COP1: variants seen among roughly 807,000 people sequenced by gnomAD.
COP1 encodes COP1 E3 ubiquitin ligase, also known as E3 ubiquitin-protein ligase COP1.
In COP1, 24 loss-of-function variants were observed where a neutral mutation model predicts 101.3. The observed-to-expected ratio is 0.24, with a 90% CI of 0.17 to 0.33. COP1 has a LOEUF of 0.33. COP1 is among the 10% of genes least tolerant of loss of function. The pLI is 1.00. For synonymous variants in COP1, 347 were observed against 341.9 expected (o/e 1.01, Z -0.17); for missense variants, 663 against 906.2 (o/e 0.73, Z 3.45).
chr1:176,095,397 T>G (rs77776350), intron 9 of COP1, among the ~76,000 whole-genome samples: 2 of 152,198 alleles, frequency 1.3e-5, no homozygotes, highest in Non-Finnish European at 2.9e-5. Flanking sequence ...AAGATGTTAT[T>G]TGCAGCCTGG....
At chr1:176,010,898 C>T (rs1412895733) in intron 15 of COP1, among the ~76,000 whole-genome samples, 1 of 152,152 alleles carries the variant, frequency 6.6e-6, no homozygotes, top group Non-Finnish European at 1.5e-5. Context: ...TCAAAAATAT[C>T]ACCATTTATA....
chr1:176,062,535 A>G (rs1381249172), intron 11 of COP1, among the ~76,000 whole-genome samples: 1 of 152,234 alleles, frequency 6.6e-6, no homozygotes, highest in East Asian at 1.9e-4. Flanking sequence ...ACTGCTGATT[A>G]AAGTGGTAAA....
At chr1:176,163,242 G>A (rs1694606473) in intron 4 of COP1, among the ~76,000 whole-genome samples, 1 of 152,106 alleles carries the variant, frequency 6.6e-6, no homozygotes, top group African/African-American at 2.4e-5. Context: ...TTCTAAAGCT[G>A]TAATTTACCT....
rs145354415 is a variant in COP1, at chr1:176,099,505, GTCTCTCTC to G, written c.1027-13623_1027-13616del. The stretch of plus-strand genomic sequence containing the variant: ...TGTGAAAAAAATTTGGAGCATATTT[GTCTCTCTC>G]TCTCTCTCTCTCTCTCTCTCTCTCT... On this transcript the variant is annotated intron_variant, in intron 9 of 19. Coordinates refer to ENST00000367669, the MANE Select transcript of COP1 (RefSeq NM_022457.7). Among the ~76,000 whole-genome samples the G allele has an allele frequency of 3.0e-3, 434 of 143,772 alleles. 1 individual carries two copies. The highest frequency in any genetic ancestry group is 4.1e-3 in the African/African-American group (161 of 39,074). The allele number at this position is 143,772 out of a possible 152,430, so 94.3% of individuals were successfully genotyped here.
chr1:176,178,669 T>A (rs970107170), intron 2 of COP1, among the ~76,000 whole-genome samples: 1 of 151,946 alleles, frequency 6.6e-6, no homozygotes, highest in Non-Finnish European at 1.5e-5. Context: ...CTGCCCAACA[T>A]GGCAAAACCC....
At position 176,066,127 on chromosome 1, in the gene COP1, T is replaced by C. The variant is rs954985866; in HGVS notation, c.1277+15025A>G. Reference sequence around the variant, plus strand: ...CATATCTACCATCAGTTTCCCCATATATGTGTTGACCCTAGAAGCTCAAAG... The same window carrying C: ...CATATCTACCATCAGTTTCCCCATACATGTGTTGACCCTAGAAGCTCAAAG... On this transcript the variant is annotated intron_variant, in intron 11 of 19. Coordinates refer to ENST00000367669, the MANE Select transcript of COP1 (RefSeq NM_022457.7). 2.0e-5 allele frequency among the ~76,000 whole-genome samples: 3 copies of C among 152,168 alleles called. 1 individual carries two copies. The highest frequency in any genetic ancestry group is 4.4e-5 in the Non-Finnish European group (3 of 68,016).
intron 11 of COP1, among the ~76,000 whole-genome samples, chr1:176,057,046 C>G (rs1673635631): frequency 6.6e-6 from 1 of 152,078 alleles, no homozygotes; most frequent in South Asian, 2.1e-4. Context: ...AATGAAAATC[C>G]TATAATTAAC....
intron 3 of COP1, among the ~76,000 whole-genome samples, chr1:176,172,403 A>C (rs907191603): frequency 4.6e-5 from 7 of 152,242 alleles, no homozygotes; most frequent in African/African-American, 1.7e-4. Context: ...CAAACTTAAA[A>C]ATATGCACGG....
At chr1:176,136,959 G>A (rs2149743333) in intron 6 of COP1, among the ~76,000 whole-genome samples, 1 of 151,906 alleles carries the variant, frequency 6.6e-6, no homozygotes, top group Non-Finnish European at 1.5e-5. Flanking sequence ...TGTTGCCCAG[G>A]CTGGTCTCCA....
At chr1:176,009,683 C>T (rs956006346) in intron 15 of COP1, among the ~76,000 whole-genome samples, 10 of 151,738 alleles carry the variant, frequency 6.6e-5, no homozygotes, top group South Asian at 2.1e-4. Context: ...CCAGTTAATC[C>T]GATTATTGTT....
intron 11 of COP1, among the ~76,000 whole-genome samples, chr1:176,069,209 A>G (rs1319398173): frequency 2.6e-5 from 4 of 152,280 alleles, no homozygotes; most frequent in Admixed American, 6.5e-5. Context: ...AGAAAAGAAG[A>G]AAAGAAATTA....
chr1:175,983,577 G>A (rs916690705), intron 18 of COP1, among the ~76,000 whole-genome samples: 8 of 152,170 alleles, frequency 5.3e-5, no homozygotes, highest in African/African-American at 1.7e-4. Context: ...GAAGTGGGGT[G>A]CTGCTGAAAA....
At chr1:176,119,328 G>A (rs968679250) in intron 8 of COP1, among the ~76,000 whole-genome samples, 2 of 152,110 alleles carry the variant, frequency 1.3e-5, no homozygotes, top group African/African-American at 4.8e-5. Context: ...AACATTTCCA[G>A]CTATGCATTT....
rs186392276 is a variant in COP1 at position 176,012,958 on chromosome 1, T to G, written c.1729+14614A>C. 7.1e-4 allele frequency among the ~76,000 whole-genome samples: 108 copies of G among 152,274 alleles called. 1 individual carries two copies. The highest frequency in any genetic ancestry group is 8.7e-4 in the Non-Finnish European group (59 of 68,024). On this transcript the variant is annotated intron_variant, in intron 15 of 19. Transcript: ENST00000367669. ...TGCATTATGTAGTCCCTAGGTATCCTCGGGGGAACTGGTTTCAAATCCCCA... is the reference window on the plus strand; with the variant it reads ...TGCATTATGTAGTCCCTAGGTATCCGCGGGGGAACTGGTTTCAAATCCCCA...
At chr1:176,184,231 G>T (rs1340484675) in intron 2 of COP1, among the ~76,000 whole-genome samples, 2 of 152,132 alleles carry the variant, frequency 1.3e-5, no homozygotes, top group African/African-American at 4.8e-5. Context: ...AAAGAACACA[G>T]AACTTTTTAA....
intron 5 of COP1, among the ~76,000 whole-genome samples, chr1:176,159,603 C>T (rs967653638): frequency 2.6e-5 from 4 of 152,128 alleles, no homozygotes; most frequent in Non-Finnish European, 5.9e-5. Context: ...ATTTCTGAAA[C>T]AGATTACTAT....
rs139270293 is a variant in COP1 at position 176,000,402 on chromosome 1, T to G, written c.1730-10923A>C. Among the ~76,000 whole-genome samples, 400 of 152,232 alleles carry G rather than the reference T, an allele frequency of 2.6e-3. 3 individuals carry two copies. The highest frequency in any genetic ancestry group is 9.2e-3 in the African/African-American group (382 of 41,562). Reference sequence around the variant, plus strand: ...CTTGGCAAGTTTGTCAAAAATGAGTTCACTGTAGGTGTGCTATACTTTTAT... The same window carrying G: ...CTTGGCAAGTTTGTCAAAAATGAGTGCACTGTAGGTGTGCTATACTTTTAT... On this transcript the variant is annotated intron_variant, in intron 15 of 19. Transcript: ENST00000367669.
intron 18 of COP1, among the ~76,000 whole-genome samples, chr1:175,982,881 T>A (rs1656201459): frequency 1.3e-5 from 2 of 151,808 alleles, no homozygotes; most frequent in Non-Finnish European, 1.5e-5. Flanking sequence ...GGGATGGGAG[T>A]GGGAGGATGC....
At position 175,997,581 on chromosome 1, in the gene COP1, G is replaced by C. The variant is rs189537312; in HGVS notation, c.1730-8102C>G. Among the ~76,000 whole-genome samples the C allele has an allele frequency of 2.6e-3, 396 of 152,194 alleles. 3 individuals are homozygous for C. Among genetic ancestry groups the C allele is most frequent in the African/African-American group, 9.1e-3 (378 of 41,478 alleles). On this transcript the variant is annotated intron_variant, in intron 15 of 19. Transcript: ENST00000367669. Reference sequence around the variant, plus strand: ...AAAACAAACAACCCCATGAAAAAGTGGGCGAAGGGAATGAACAGACACTTC... The same window carrying C: ...AAAACAAACAACCCCATGAAAAAGTCGGCGAAGGGAATGAACAGACACTTC...
Sources: allele counts gnomAD v4.1 joint callset (sites outside exome capture counted in the v4.1 genomes callset), GRCh38; gene constraint gnomAD v4.1.1; transcripts MANE v1.5; gene names NCBI Gene and HGNC (gene_info 2026-07-23, HGNC 2026-07-21).